FN3KRP: variants seen among roughly 807,000 people sequenced by gnomAD.
FN3KRP encodes fructosamine 3 kinase related protein.
A neutral mutation model predicts 29.8 loss-of-function variants in FN3KRP; 33 were observed. That is an observed-to-expected ratio of 1.11 (90% CI 0.84 to 1.48). The LOEUF is 1.48. Among genes scored for constraint, FN3KRP ranks in the 40% most tolerant of loss-of-function variants. The probability of loss-of-function intolerance (pLI) is 0.00; values close to 1 mark genes in which losing one functional copy is unlikely to be tolerated. For missense variants in FN3KRP, 430 were observed against 402.6 expected (o/e 1.07, Z -0.58); for synonymous variants, 157 against 155.2 (o/e 1.01, Z -0.09).
intron 2 of FN3KRP, 152 bp from the exon 3 acceptor site, chr17:82,720,120 C>G: frequency 1.9e-6 from 1 of 531,042 alleles, no homozygotes; most frequent in Middle Eastern, 2.9e-4. Context: ...GAGCCGAGAT[C>G]GTGCCACTGC....
intron 4 of FN3KRP, among the ~76,000 whole-genome samples, chr17:82,726,141 C>T (rs1371474937): frequency 1.3e-5 from 2 of 152,088 alleles, no homozygotes; most frequent in African/African-American, 4.8e-5. Flanking sequence ...GATGGCGCCA[C>T]TGCACTCCAG....
chr17:82,721,693 A>C (rs1255508738), intron 3 of FN3KRP, among the ~76,000 whole-genome samples: 1 of 151,134 alleles, frequency 6.6e-6, no homozygotes. Context: ...TAGTAGAGAC[A>C]GGGTTTCACC....
chr17:82,722,912 T>C, intron 4 of FN3KRP, 26 bp downstream of exon 4: 1 of 1,607,034 alleles, frequency 6.2e-7, no homozygotes, highest in Non-Finnish European at 8.5e-7. Context: ...TTGCTTCTAT[T>C]TCACAATCAG....
intron 3 of FN3KRP, chr17:82,722,561 G>T: frequency 2.1e-6 from 1 of 480,912 alleles, no homozygotes; most frequent in Non-Finnish European, 3.7e-6. Context: ...AGCAGCTAGT[G>T]TCTTTGATGC....
At chr17:82,724,808 A>C (rs555895712) in intron 4 of FN3KRP, among the ~76,000 whole-genome samples, 168 of 151,680 alleles carry the variant, frequency 1.1e-3, no homozygotes, top group African/African-American at 3.8e-3. Context: ...ATGCCTATCA[A>C]AAAAAAAATT....
intron 2 of FN3KRP, among the ~76,000 whole-genome samples, chr17:82,719,788 G>T (rs2046785516): frequency 6.6e-6 from 1 of 151,822 alleles, no homozygotes; most frequent in Non-Finnish European, 1.5e-5. Context: ...TGCAAACTTG[G>T]ATGAGGCTGG....
chr17:82,724,910 G>A (rs1049162986), intron 4 of FN3KRP, among the ~76,000 whole-genome samples: 28 of 151,644 alleles, frequency 1.8e-4, no homozygotes, highest in Middle Eastern at 3.4e-3. Context: ...CCAGGTTCAC[G>A]CCATTCTTCT....
intron 4 of FN3KRP, 149 bp from the exon 5 acceptor site, chr17:82,726,331 T>C (rs1468867673): frequency 1.1e-6 from 1 of 894,358 alleles, no homozygotes; most frequent in East Asian, 2.5e-5. Flanking sequence ...CCTCCTGGGA[T>C]GTGGTTCCCC....
At position 82,718,780 on chromosome 17, in the gene FN3KRP, AT is replaced by A. The variant is rs973553854; in HGVS notation, c.142-125del. The A allele has an allele frequency of 2.3e-6, 3 of 1,282,208 alleles. No homozygotes were observed. In the African/African-American group the frequency reaches 4.4e-5, roughly 19 times the overall value. 79.4% of individuals were successfully genotyped at this position (1,282,208 alleles called of 1,614,324 possible). On this transcript the variant is annotated intron_variant, in intron 1 of 5. Transcript: ENST00000269373. ...GTGTTTGAAAACACTGTCCATGTGTATGGAATCCTCAGTCAGGATAGTCTTG... is the reference window on the plus strand; with the variant it reads ...GTGTTTGAAAACACTGTCCATGTGTAGGAATCCTCAGTCAGGATAGTCTTG...
chr17:82,722,883 C>G lies in FN3KRP; in HGVS notation c.465C>G (p.Pro155=). 1 of 1,613,986 alleles carries G rather than the reference C, an allele frequency of 6.2e-7. No individual in the cohort carries two copies. The highest frequency in any genetic ancestry group is 1.1e-5 in the South Asian group (1 of 91,072). Residue 155 remains proline, a synonymous_variant, in exon 4 of 6, where the codon CCC becomes CCG. Coordinates refer to ENST00000269373, the MANE Select transcript of FN3KRP (RefSeq NM_024619.4). ...FDVVTCCGYL[P]QVNDWQEDWV... ...TGGTGACGTGCTGTGGATACCTCCC[C>G]CAGGTGAGTGCACGGCGTTTGCTTC...
Position 82,720,439 on chromosome 17 carries a change from C to T in FN3KRP, c.385+76C>T, listed in dbSNP as rs961413277. ...GCCGGTGTGGGCTCAGAGCGGGGGC[C>T]GTGCAGCAGCCGTGGGAGGGTCGGA... On this transcript the variant is annotated intron_variant, in intron 3 of 5. Transcript: ENST00000269373. 55 of 1,209,420 alleles carry T rather than the reference C, an allele frequency of 4.5e-5. 1 individual carries two copies. Among genetic ancestry groups the T allele is most frequent in the East Asian group, 2.4e-4 (10 of 41,324 alleles). The allele number at this position is 1,209,420 out of a possible 1,614,324, so 74.9% of individuals were successfully genotyped here. A position where few individuals can be genotyped will look rare whatever the true frequency, so the allele number is the denominator to read the frequency against.
intron 4 of FN3KRP, among the ~76,000 whole-genome samples, chr17:82,726,205 T>C (rs531167016): frequency 0.012 from 1,843 of 151,588 alleles, 30 homozygotes; most frequent in African/African-American, 0.041. Context: ...GAAAAAAAAA[T>C]GTTCTAGAAG....
chr17:82,719,622 G>T (rs1425798183), intron 2 of FN3KRP, among the ~76,000 whole-genome samples: 2 of 152,196 alleles, frequency 1.3e-5, no homozygotes, highest in Non-Finnish European at 2.9e-5. Flanking sequence ...GGATGTGGTG[G>T]CAGGCGCCTC....
In FN3KRP at chr17:82,726,848, C is replaced by T. The variant is rs774023407; in HGVS notation, c.607C>T (p.Leu203=). Residue 203 remains leucine (L), a synonymous_variant, in exon 6 of 6, where the codon CTG becomes TTG. Transcript: ENST00000269373. The part of the protein sequence containing the change: ...WSALQLKIPD[L]FRDLEIIPAL... ...CTCCCTGCAGTTAAAGATCCCTGAC[C>T]TGTTCCGTGACCTGGAGATCATCCC... The T allele has an allele frequency of 6.5e-7, 1 of 1,544,546 alleles. No homozygotes were observed. Among genetic ancestry groups the T allele is most frequent in the Non-Finnish European group, 8.7e-7 (1 of 1,147,850 alleles).
rs755331578 is a variant in FN3KRP at position 82,716,723 on chromosome 17, G to A, written c.-33G>A. 3.4e-6 allele frequency: 5 copies of A among 1,472,582 alleles called. No homozygotes were observed. The African/African-American group carries it at 5.9e-5, about 17-fold the overall frequency. 91.2% of individuals were successfully genotyped at this position (1,472,582 alleles called of 1,614,324 possible). A position where few individuals can be genotyped will look rare whatever the true frequency, so the allele number is the denominator to read the frequency against. ...GCCGCCGTCTCTCGAGTCTCCGCCA[G>A]ATCCGGGGCGGGTCCGCGGCCGCGG... is the stretch of plus-strand genomic sequence containing the variant. On this transcript the variant is annotated 5_prime_UTR_variant, in exon 1 of 6. Transcript: ENST00000269373.
chr17:82,718,618 T>G, intron 1 of FN3KRP: 1 of 1,168,118 alleles, frequency 8.6e-7, no homozygotes. Context: ...TAGTGGAATA[T>G]TAGTGCCTTC....
intron 4 of FN3KRP, 146 bp from the exon 5 acceptor site, chr17:82,726,334 G>C: frequency 1.1e-6 from 1 of 930,376 alleles, no homozygotes; most frequent in Non-Finnish European, 1.6e-6. Context: ...CCTGGGATGT[G>C]GTTCCCCCCT....
chr17:82,727,227 C>A lies in FN3KRP; in HGVS notation c.*56C>A. The A allele has an allele frequency of 1.3e-6, 2 of 1,488,132 alleles. No individual in the cohort carries two copies. The highest frequency in any genetic ancestry group is 2.5e-5 in the South Asian group (2 of 80,630). 92.2% of individuals were successfully genotyped at this position (1,488,132 alleles called of 1,614,324 possible). The stretch of plus-strand genomic sequence containing the variant: ...GGTTTCTCCACAGTCCTCTTCTGGG[C>A]AAATTCTTGTTTCTTCACATGCTGG... On this transcript the variant is annotated 3_prime_UTR_variant, in exon 6 of 6. Transcript: ENST00000269373.
chr17:82,725,948 C>A (rs759281534), intron 4 of FN3KRP, among the ~76,000 whole-genome samples: 1 of 152,162 alleles, frequency 6.6e-6, no homozygotes, highest in Non-Finnish European at 1.5e-5. Flanking sequence ...GAGGCTGAAG[C>A]GGGCAGATCA....
Sources: gnomAD v4.1 joint callset for allele counts (sites outside exome capture counted in the v4.1 genomes callset) on GRCh38, gnomAD v4.1.1 for gene constraint, MANE v1.5 for transcripts, NCBI Gene and HGNC (gene_info 2026-07-23, HGNC 2026-07-21) for gene names.